The following CLASP2 variants were observed in gnomAD, a reference collection of about 807,000 sequenced individuals.
CLASP2 encodes CLIP-associating protein 2.
Under a neutral mutation model 194.4 loss-of-function variants are expected in CLASP2, and 47 were observed. That is an observed-to-expected ratio of 0.24 (90% CI 0.19 to 0.31). The LOEUF is 0.31. Among genes scored for constraint, CLASP2 ranks in the 10% least tolerant of loss-of-function variants. The probability of loss-of-function intolerance (pLI) is 1.00; values close to 1 mark genes in which losing one functional copy is unlikely to be tolerated. For missense variants in CLASP2, 1,445 were observed against 1,823.6 expected (o/e 0.79, Z 3.78); for synonymous variants, 619 against 633.5 (o/e 0.98, Z 0.34).
intron 8 of CLASP2, 52 bp downstream of exon 8, chr3:33,644,705 C>T: frequency 6.3e-7 from 1 of 1,592,130 alleles, no homozygotes; most frequent in Non-Finnish European, 8.6e-7. Flanking sequence ...TATGTGTGGC[C>T]ATATCAAGGG....
intron 1 of CLASP2, among the ~76,000 whole-genome samples, chr3:33,708,615 T>C (rs1172448586): frequency 1.3e-5 from 2 of 151,136 alleles, no homozygotes; most frequent in African/African-American, 4.9e-5. Context: ...CATCTGTTTA[T>C]GGACACAGCA....
chr3:33,579,474 C>A (rs1376416749), intron 23 of CLASP2, among the ~76,000 whole-genome samples: 1 of 152,138 alleles, frequency 6.6e-6, no homozygotes, highest in Admixed American at 6.5e-5. Context: ...TAGGAACGTG[C>A]AATATCAACA....
chr3:33,660,343 A>G (rs1022734877), intron 7 of CLASP2, among the ~76,000 whole-genome samples: 1 of 152,232 alleles, frequency 6.6e-6, no homozygotes, highest in Non-Finnish European at 1.5e-5. Flanking sequence ...CTAACAGCAG[A>G]GCTAATTCTA....
chr3:33,555,482 C>G lies in CLASP2; in HGVS notation c.3009+3825G>C, dbSNP rs1251551701. ...CCCAACTCAAGTGACCCTCCCACCTCAGCTTCCCGAGTAGATAAGATTACA... is the reference window on the plus strand; with the variant it reads ...CCCAACTCAAGTGACCCTCCCACCTGAGCTTCCCGAGTAGATAAGATTACA... On this transcript the variant is annotated intron_variant, in intron 29 of 38. Coordinates refer to ENST00000682230, the MANE Select transcript of CLASP2 (RefSeq NM_001365631.1). 2.0e-5 allele frequency among the ~76,000 whole-genome samples: 3 copies of G among 151,830 alleles called. No homozygotes were observed. In the East Asian group the frequency reaches 5.8e-4, roughly 29 times the overall value.
chr3:33,603,889 C>G (rs1382642163), intron 17 of CLASP2, among the ~76,000 whole-genome samples: 1 of 152,092 alleles, frequency 6.6e-6, no homozygotes, highest in African/African-American at 2.4e-5. Flanking sequence ...GTTGTAAAAT[C>G]AACTGAGTGC....
chr3:33,544,885 T>C, intron 30 of CLASP2, 44 bp from the exon 31 acceptor site: 1 of 1,463,718 alleles, frequency 6.8e-7, no homozygotes, highest in Non-Finnish European at 9.2e-7. Flanking sequence ...TTTTTGTTAC[T>C]CAAACAAGAC....
At chr3:33,645,418 G>T (rs2154310949) in intron 7 of CLASP2, 2 of 742,424 alleles carry the variant, frequency 2.7e-6, no homozygotes, top group South Asian at 2.8e-5. Flanking sequence ...ATCAAAAAAA[G>T]ACAGAAACAA....
At chr3:33,668,300 G>A (rs1280474287) in intron 6 of CLASP2, among the ~76,000 whole-genome samples, 1 of 152,178 alleles carries the variant, frequency 6.6e-6, no homozygotes, top group Non-Finnish European at 1.5e-5. Context: ...TAACAAAGAA[G>A]AATGGTTCTG....
chr3:33,626,883 T>C, intron 10 of CLASP2, 105 bp downstream of exon 10: 1 of 632,970 alleles, frequency 1.6e-6, no homozygotes, highest in Non-Finnish European at 2.7e-6. Context: ...TCAGACTCTC[T>C]ATTTTATAAG....
intron 36 of CLASP2, among the ~76,000 whole-genome samples, chr3:33,514,896 A>G (rs1392513968): frequency 6.6e-6 from 1 of 152,224 alleles, no homozygotes; most frequent in Non-Finnish European, 1.5e-5. Flanking sequence ...AGCCATAGAA[A>G]GGAATGAAAT....
intron 28 of CLASP2, 76 bp downstream of exon 28, chr3:33,560,732 T>C: frequency 7.7e-7 from 1 of 1,304,346 alleles, no homozygotes; most frequent in Non-Finnish European, 1.1e-6. Flanking sequence ...GACCCAGAAA[T>C]CTGAACTATT....
At chr3:33,504,948 C>A (rs1306883202) in intron 37 of CLASP2, 1 of 152,238 alleles carries the variant, frequency 6.6e-6, no homozygotes, top group Non-Finnish European at 1.5e-5. Flanking sequence ...TTAGGGACCC[C>A]TGCTCTAAAG....
chr3:33,704,837 G>A (rs1274055987), intron 1 of CLASP2, among the ~76,000 whole-genome samples: 2 of 151,950 alleles, frequency 1.3e-5, no homozygotes, highest in Non-Finnish European at 2.9e-5. Flanking sequence ...TTAAAGAAAT[G>A]CAAATCAAAA....
chr3:33,686,654 G>A (rs1468367498), intron 5 of CLASP2, among the ~76,000 whole-genome samples: 1 of 152,152 alleles, frequency 6.6e-6, no homozygotes, highest in African/African-American at 2.4e-5. Context: ...ATATACCACT[G>A]ATATAAATCC....
At chr3:33,677,208 A>T (rs192499900) in intron 6 of CLASP2, among the ~76,000 whole-genome samples, 155 of 152,326 alleles carry the variant, frequency 1.0e-3, no homozygotes, top group African/African-American at 3.2e-3. Flanking sequence ...TACTGGGTAT[A>T]TACCCAAAGG....
chr3:33,626,407 T>C (rs902705696), intron 10 of CLASP2, among the ~76,000 whole-genome samples: 4 of 152,148 alleles, frequency 2.6e-5, no homozygotes, highest in Non-Finnish European at 4.4e-5. Context: ...ATATTGCTTA[T>C]TGTCAACACA....
chr3:33,531,474 C>T (rs2056276906), intron 34 of CLASP2, among the ~76,000 whole-genome samples: 1 of 152,112 alleles, frequency 6.6e-6, no homozygotes, highest in Admixed American at 6.6e-5. Flanking sequence ...TAGGGAAATG[C>T]AAATCAAAAC....
intron 8 of CLASP2, among the ~76,000 whole-genome samples, chr3:33,633,525 A>G (rs1442988910): frequency 6.6e-6 from 1 of 152,160 alleles, no homozygotes; most frequent in Non-Finnish European, 1.5e-5. Flanking sequence ...AATACACAAG[A>G]AGGCAAGAGT....
At chr3:33,588,780 G>A (rs1224485960) in intron 21 of CLASP2, 1 of 700,146 alleles carries the variant, frequency 1.4e-6, no homozygotes, top group African/African-American at 1.7e-5. Context: ...AATCCATGAA[G>A]AGGGAAGGAG....
Sources: gnomAD v4.1 joint callset for allele counts (sites outside exome capture counted in the v4.1 genomes callset) on GRCh38, gnomAD v4.1.1 for gene constraint, MANE v1.5 for transcripts, NCBI Gene and HGNC (gene_info 2026-07-23, HGNC 2026-07-21) for gene names.